PAPPA: variants seen among roughly 807,000 people sequenced by gnomAD.
The protein encoded by PAPPA is pappalysin 1.
A neutral mutation model predicts 164.0 loss-of-function variants in PAPPA; 60 were observed. The observed-to-expected ratio is 0.37, with a 90% CI of 0.30 to 0.45. The LOEUF (loss-of-function observed/expected upper bound fraction) is 0.45. PAPPA is among the 20% of genes least tolerant of loss of function. The pLI is 1.00. For missense variants in PAPPA, 1,782 were observed against 2,087.3 expected (o/e 0.85, Z 2.85); for synonymous variants, 875 against 814.1 (o/e 1.07, Z -1.27).
chr9:116,234,135 C>A (rs751331589), intron 6 of PAPPA, among the ~76,000 whole-genome samples: 3 of 152,102 alleles, frequency 2.0e-5, no homozygotes, highest in Non-Finnish European at 4.4e-5. Flanking sequence ...AAATTAGAGC[C>A]AATCACTACA....
At chr9:116,163,255 G>C (rs1275251614) in intron 1 of PAPPA, among the ~76,000 whole-genome samples, 4 of 152,208 alleles carry the variant, frequency 2.6e-5, no homozygotes, top group Non-Finnish European at 5.9e-5. Context: ...TAAAGAAAAA[G>C]TTGAGAAGGA....
At chr9:116,367,545 C>G (rs1846517075) in intron 18 of PAPPA, 100 bp from the exon 19 acceptor site, 3 of 822,662 alleles carry the variant, frequency 3.6e-6, no homozygotes, top group Middle Eastern at 2.6e-4. Context: ...GCTGAGTCCA[C>G]CAGGGACCAG....
At chr9:116,340,360 G>T (rs919410735) in intron 13 of PAPPA, among the ~76,000 whole-genome samples, 3 of 152,186 alleles carry the variant, frequency 2.0e-5, no homozygotes, top group Non-Finnish European at 2.9e-5. Context: ...CAACTAACAG[G>T]ATAGCAAAGA....
Position 116,344,618 on chromosome 9 carries a change from C to T in PAPPA, c.3687C>T (p.Ser1229=), listed in dbSNP as rs759385356. ...AGAATGCTTCTCTCAATTGCTCCAG[C>T]AGCGACCGCTACCACGGTGCCCAGT... The part of the protein sequence containing the change: ...AVENASLNCS[S]SDRYHGAQCT... Residue 1229 remains serine, a synonymous_variant, in exon 14 of 22, where the codon AGC becomes AGT. Coordinates refer to ENST00000328252, the MANE Select transcript of PAPPA (RefSeq NM_002581.5). The T allele has an allele frequency of 6.2e-7, 1 of 1,614,160 alleles. No individual in the cohort carries two copies.
intron 21 of PAPPA, among the ~76,000 whole-genome samples, chr9:116,395,030 T>C (rs551971567): frequency 6.6e-6 from 1 of 152,214 alleles, no homozygotes; most frequent in Admixed American, 6.5e-5. Context: ...ACAGAATAAT[T>C]GAGCACTTAG....
chr9:116,260,587 A>G (rs1233615374), intron 7 of PAPPA, among the ~76,000 whole-genome samples: 1 of 152,200 alleles, frequency 6.6e-6, no homozygotes, highest in Non-Finnish European at 1.5e-5. Flanking sequence ...GTCCAGACCT[A>G]CACACGTTCT....
At chr9:116,391,399 GAC>G (rs1846891477) in intron 21 of PAPPA, among the ~76,000 whole-genome samples, 1 of 152,192 alleles carries the variant, frequency 6.6e-6, no homozygotes, top group South Asian at 2.1e-4. Context: ...GCCAGCAGGA[GAC>G]ACAGTCAAAG....
chr9:116,228,156 A>T (rs893866357), intron 6 of PAPPA, among the ~76,000 whole-genome samples: 4 of 152,248 alleles, frequency 2.6e-5, no homozygotes, highest in African/African-American at 9.6e-5. Flanking sequence ...CAAGGAACCA[A>T]TGATCTCTGT....
At chr9:116,377,437 G>A in intron 19 of PAPPA, 139 bp from the exon 20 acceptor site, 1 of 614,778 alleles carries the variant, frequency 1.6e-6, no homozygotes. Flanking sequence ...ACCCGGGCAA[G>A]TTCTCCATGT....
rs1344537752 is a variant in PAPPA, at chr9:116,154,425, G to T, written c.253G>T (p.Gly85Cys). 1.3e-5 allele frequency: 16 copies of T among 1,249,362 alleles called. 1 individual carries two copies. In the East Asian group the frequency reaches 4.7e-4, roughly 37 times the overall value. 77.4% of individuals were successfully genotyped at this position (1,249,362 alleles called of 1,614,324 possible). A position where few individuals can be genotyped will look rare whatever the true frequency, so the allele number is the denominator to read the frequency against. The change falls in exon 1 of 22, where the codon GGC (glycine) becomes TGC (cysteine). Residue 85 changes from glycine (G) to cysteine (C), a missense_variant. By Grantham distance (159) the Gly-to-Cys change is radical. Transcript: ENST00000328252. The surrounding 1 kb of genome is among the most constrained non-coding windows in gnomAD (Gnocchi z 5.2). ...GCGGCGGCAGCAGCGGGAGGCGAGG[G>T]GCGCCACCGAGGAGCCGAGCCCGCC... The part of the protein sequence containing the change: ...PRRRQQREAR[G>C]ATEEPSPPSR...
chr9:116,340,189 C>CT (rs553481535), intron 13 of PAPPA, among the ~76,000 whole-genome samples: 128 of 152,282 alleles, frequency 8.4e-4, no homozygotes, highest in African/African-American at 3.0e-3. Flanking sequence ...ATCCTTCCCT[C>CT]TTTTTTTGAA....
chr9:116,368,828 T>C (rs1199262943), intron 19 of PAPPA, among the ~76,000 whole-genome samples: 1 of 152,172 alleles, frequency 6.6e-6, no homozygotes, highest in African/African-American at 2.4e-5. Flanking sequence ...ACACTCTGGA[T>C]AGCTGGGCAG....
At chr9:116,311,461 G>C (rs1239510739) in intron 10 of PAPPA, among the ~76,000 whole-genome samples, 2 of 152,218 alleles carry the variant, frequency 1.3e-5, no homozygotes, top group Non-Finnish European at 2.9e-5. Flanking sequence ...GGGCGAACCT[G>C]AATAAAGTGA....
chr9:116,219,489 A>G (rs1410227082), intron 4 of PAPPA, among the ~76,000 whole-genome samples: 1 of 152,256 alleles, frequency 6.6e-6, no homozygotes, highest in African/African-American at 2.4e-5. Context: ...CAGTGAGTGC[A>G]TCAATGAATG....
chr9:116,365,091 C>T (rs1392673507), intron 18 of PAPPA, among the ~76,000 whole-genome samples: 2 of 152,186 alleles, frequency 1.3e-5, no homozygotes, highest in African/African-American at 2.4e-5. Context: ...TCCAAATGCG[C>T]CTGACTTCCA....
chr9:116,345,429 T>C (rs912213), intron 14 of PAPPA, among the ~76,000 whole-genome samples: 89,771 of 144,462 alleles, frequency 0.62, 29,190 homozygotes, highest in Middle Eastern at 0.73. Context: ...TGGAAGCACA[T>C]TGATGAGAAA....
At chr9:116,260,274 C>G (rs898778043) in intron 7 of PAPPA, among the ~76,000 whole-genome samples, 1 of 152,108 alleles carries the variant, frequency 6.6e-6, no homozygotes, top group Non-Finnish European at 1.5e-5. Flanking sequence ...TTTGACAAAG[C>G]TGTATAGTAA....
chr9:116,168,191 A>G (rs1439180823), intron 1 of PAPPA, among the ~76,000 whole-genome samples: 2 of 152,214 alleles, frequency 1.3e-5, no homozygotes, highest in South Asian at 4.1e-4. Context: ...TTAAGATTCA[A>G]TGAGAAATGA....
intron 10 of PAPPA, among the ~76,000 whole-genome samples, chr9:116,320,358 G>T (rs1202906152): frequency 1.3e-5 from 2 of 152,176 alleles, no homozygotes; most frequent in Non-Finnish European, 2.9e-5. Flanking sequence ...CCAGAGCTGA[G>T]CCCCAAGGCT....
Sources: gnomAD v4.1 joint callset for allele counts (sites outside exome capture counted in the v4.1 genomes callset) on GRCh38, gnomAD v4.1.1 for gene constraint, Gnocchi (gnomAD v3.1) non-coding constraint, MANE v1.5 for transcripts, NCBI Gene and HGNC (gene_info 2026-07-23, HGNC 2026-07-21) for gene names.